Variants in RETREG1 observed in about 807,000 individuals in gnomAD.
RETREG1 encodes family with sequence similarity 134 member B.
A neutral mutation model predicts 54.8 loss-of-function variants in RETREG1; 44 were observed. That is an observed-to-expected ratio of 0.80 (90% confidence interval 0.63 to 1.03). RETREG1 has a LOEUF of 1.03. RETREG1 is among the 50% of genes least tolerant of loss of function. The pLI is 0.00. For missense variants in RETREG1, 554 were observed against 605.1 expected, an observed-to-expected ratio of 0.92 and a Z score of 0.89; for synonymous variants, 217 against 238.5, an observed-to-expected ratio of 0.91 and a Z score of 0.83.
At chr5:16,596,987 T>C (rs1019002426) in intron 1 of RETREG1, among the ~76,000 whole-genome samples, 16 of 152,212 alleles carry the variant, frequency 1.1e-4, no homozygotes, top group South Asian at 4.1e-4. Flanking sequence ...TGCTTACCTA[T>C]GTACTAGAAG....
chr5:16,495,322 A>G (rs990356168), intron 3 of RETREG1, among the ~76,000 whole-genome samples: 7 of 152,256 alleles, frequency 4.6e-5, no homozygotes, highest in African/African-American at 1.7e-4. Flanking sequence ...CAGGTTGCAG[A>G]TATTTGCATA....
intron 1 of RETREG1, among the ~76,000 whole-genome samples, chr5:16,575,800 T>C (rs1742302988): frequency 6.6e-6 from 1 of 152,130 alleles, no homozygotes; most frequent in Non-Finnish European, 1.5e-5. Flanking sequence ...CTTTGGTGGG[T>C]TAGTGTCATA....
intron 3 of RETREG1, among the ~76,000 whole-genome samples, chr5:16,546,051 C>T (rs1016061870): frequency 4.6e-5 from 7 of 152,132 alleles, no homozygotes; most frequent in Non-Finnish European, 8.8e-5. Flanking sequence ...CTGCACCAGT[C>T]ATATAAAGCA....
chr5:16,587,239 A>G (rs1742647637), intron 1 of RETREG1, among the ~76,000 whole-genome samples: 1 of 152,204 alleles, frequency 6.6e-6, no homozygotes, highest in Admixed American at 6.5e-5. Flanking sequence ...CCACTACAGA[A>G]AAAAAGTTGA....
In RETREG1 at chr5:16,473,643, A is replaced by G. The variant is rs1331646844; in HGVS notation, c.*1098T>C. ...GCTCTTTAGTCCTTTGTTAAAAACC[A>G]TAAATCAAATTTGGTTATTTAAAAG... On this transcript the variant is annotated 3_prime_UTR_variant, in exon 9 of 9. Coordinates refer to ENST00000306320, the MANE Select transcript of RETREG1 (RefSeq NM_001034850.3). The G allele has an allele frequency of 3.9e-5, 6 of 152,600 alleles. No individual in the cohort carries two copies. The highest frequency in any genetic ancestry group is 8.8e-5 in the Non-Finnish European group (6 of 68,004). The allele number at this position is 152,600 out of a possible 1,614,324, so 9.5% of individuals were successfully genotyped here. A position where few individuals can be genotyped will look rare whatever the true frequency, so the allele number is the denominator to read the frequency against.
chr5:16,573,742 G>GTTTTTTTTTTTTTTTTTT (rs34651832), intron 1 of RETREG1, among the ~76,000 whole-genome samples: 2 of 126,534 alleles, frequency 1.6e-5, no homozygotes, highest in African/African-American at 2.9e-5. Flanking sequence ...TTTGTTTTTT[G>GTTTTTTTTTTTTTTTTTT]TTTTTTTTTT....
chr5:16,552,111 A>T (rs1357672996), intron 3 of RETREG1, among the ~76,000 whole-genome samples: 1 of 152,186 alleles, frequency 6.6e-6, no homozygotes, highest in Non-Finnish European at 1.5e-5. Context: ...GAGTTACGGT[A>T]TGGACTTCTT....
At chr5:16,565,219 C>A (rs181134426) in intron 3 of RETREG1, among the ~76,000 whole-genome samples, 37 of 152,194 alleles carry the variant, frequency 2.4e-4, no homozygotes, top group Non-Finnish European at 3.2e-4. Flanking sequence ...GAATGATGGA[C>A]CTTCCATAAA....
intron 3 of RETREG1, among the ~76,000 whole-genome samples, chr5:16,491,820 C>A (rs1267528892): frequency 2.0e-5 from 3 of 152,108 alleles, no homozygotes; most frequent in Non-Finnish European, 4.4e-5. Context: ...CCCCAGAGTT[C>A]ATGACCAGCC....
chr5:16,495,946 G>T (rs771553181), intron 3 of RETREG1, among the ~76,000 whole-genome samples: 10 of 152,076 alleles, frequency 6.6e-5, no homozygotes, highest in Non-Finnish European at 2.9e-5. Flanking sequence ...GACTGAGGGG[G>T]TTATCAAATT....
chr5:16,561,693 C>T lies in RETREG1; in HGVS notation c.458+4070G>A, dbSNP rs76413800. On this transcript the variant is annotated intron_variant, in intron 3 of 8. Coordinates refer to ENST00000306320, the MANE Select transcript of RETREG1 (RefSeq NM_001034850.3). This position sits in a 1 kb window ranked among gnomAD's most constrained non-coding sequence, Gnocchi z 4.2. ...CTAACAGTTAGCAAAGTATGTCCTT[C>T]GGTTCTGCTGTGCTAATATTTTTTC... Among the ~76,000 whole-genome samples, 132 of 152,222 alleles carry T rather than the reference C, an allele frequency of 8.7e-4. No homozygotes were observed. Among genetic ancestry groups the T allele is most frequent in the African/African-American group, 2.8e-3 (116 of 41,538 alleles).
At chr5:16,566,731 A>T (rs562220374) in intron 2 of RETREG1, among the ~76,000 whole-genome samples, 1 of 152,320 alleles carries the variant, frequency 6.6e-6, no homozygotes, top group Non-Finnish European at 1.5e-5. Flanking sequence ...ATGCATGTGG[A>T]TAAATCTGTT....
chr5:16,567,044 TA>T (rs1406194526), intron 2 of RETREG1, among the ~76,000 whole-genome samples: 1 of 152,178 alleles, frequency 6.6e-6, no homozygotes, highest in African/African-American at 2.4e-5. Flanking sequence ...GTTTTATTAT[TA>T]AAAAGTAAAG....
At chr5:16,582,072 A>G (rs9686063) in intron 1 of RETREG1, among the ~76,000 whole-genome samples, 10,672 of 152,258 alleles carry the variant, frequency 0.07, 1,213 homozygotes, top group African/African-American at 0.24. Flanking sequence ...ATACATATAC[A>G]TATCATGATA....
intron 3 of RETREG1, among the ~76,000 whole-genome samples, chr5:16,553,654 C>T (rs1337222262): frequency 6.6e-6 from 1 of 151,914 alleles, no homozygotes; most frequent in Non-Finnish European, 1.5e-5. Context: ...ATGAGGAGCA[C>T]AAACTTCAGG....
At chr5:16,587,466 G>A (rs1351790461) in intron 1 of RETREG1, among the ~76,000 whole-genome samples, 5 of 152,132 alleles carry the variant, frequency 3.3e-5, no homozygotes, top group Admixed American at 2.0e-4. Flanking sequence ...GAGTTCCCTG[G>A]CATCCTGCTT....
intron 3 of RETREG1, among the ~76,000 whole-genome samples, chr5:16,513,464 T>C (rs1021111384): frequency 6.6e-6 from 1 of 151,866 alleles, no homozygotes; most frequent in African/African-American, 2.4e-5. Flanking sequence ...AATCAAGGAG[T>C]CCCAAACTCA....
intron 3 of RETREG1, among the ~76,000 whole-genome samples, chr5:16,504,319 G>A (rs1739854964): frequency 6.6e-6 from 1 of 152,152 alleles, no homozygotes; most frequent in Non-Finnish European, 1.5e-5. Context: ...GGGCATTTGG[G>A]TTGATTCCAT....
chr5:16,510,218 A>C (rs1740126114), intron 3 of RETREG1, among the ~76,000 whole-genome samples: 1 of 152,190 alleles, frequency 6.6e-6, no homozygotes, highest in South Asian at 2.1e-4. Flanking sequence ...TGCATCTCAC[A>C]ATTAACAATT....
Sources: allele counts gnomAD v4.1 joint callset (sites outside exome capture counted in the v4.1 genomes callset), GRCh38; gene constraint gnomAD v4.1.1; non-coding constraint Gnocchi (gnomAD v3.1); transcripts MANE v1.5; gene names NCBI Gene and HGNC (gene_info 2026-07-23, HGNC 2026-07-21).